PCDHA11: variants seen among roughly 807,000 people sequenced by gnomAD.
PCDHA11 encodes the protein protocadherin alpha-11.
Under a neutral mutation model 70.3 loss-of-function variants are expected in PCDHA11, and 61 were observed. That is an observed-to-expected ratio of 0.87 (90% CI 0.71 to 1.07). The LOEUF (loss-of-function observed/expected upper bound fraction) is 1.07. Among genes scored for constraint, PCDHA11 ranks in the 50% least tolerant of loss-of-function variants. The pLI is 0.00. For missense variants in PCDHA11, 1,324 were observed against 1,237.5 expected, an observed-to-expected ratio of 1.07 and a Z score of -1.05; for synonymous variants, 633 against 555.1, an observed-to-expected ratio of 1.14 and a Z score of -1.97.
chr5:140,927,769 G>A (rs1471080821), intron 1 of PCDHA11: 4 of 1,614,084 alleles, frequency 2.5e-6, no homozygotes, highest in African/African-American at 2.7e-5. Context: ...AAGTGGGGAG[G>A]TGCAAGTAGC....
chr5:140,870,409 G>T lies in PCDHA11; in HGVS notation c.1306G>T (p.Ala436Ser). The change falls in exon 1 of 4, where the codon GCC (alanine) becomes TCC (serine). Residue 436 changes from alanine (A) to serine (S), a missense_variant. Coordinates refer to ENST00000398640, the MANE Select transcript of PCDHA11 (RefSeq NM_018902.5). ...ARDGGSPSLWATARVSVEVAD... is the reference protein window; with the variant it reads ...ARDGGSPSLWSTARVSVEVAD... Reference sequence around the variant, plus strand: ...GGATGGGGGTTCGCCTTCTCTGTGGGCCACGGCCAGGGTATCCGTGGAGGT... The same window carrying T: ...GGATGGGGGTTCGCCTTCTCTGTGGTCCACGGCCAGGGTATCCGTGGAGGT... 1 of 1,614,226 alleles carries T rather than the reference G, an allele frequency of 6.2e-7. No homozygotes were observed. Among genetic ancestry groups the T allele is most frequent in the South Asian group, 1.1e-5 (1 of 91,080 alleles).
At chr5:140,878,571 A>G (rs531090803) in intron 1 of PCDHA11, among the ~76,000 whole-genome samples, 48 of 152,346 alleles carry the variant, frequency 3.2e-4, no homozygotes, top group African/African-American at 1.1e-3. Context: ...ATCATAGTAT[A>G]CCACTGCCCT....
chr5:140,875,033 T>G (rs1377177254), intron 1 of PCDHA11, among the ~76,000 whole-genome samples: 1 of 152,236 alleles, frequency 6.6e-6, no homozygotes, highest in Non-Finnish European at 1.5e-5. Context: ...CTACTGTATT[T>G]GAAAGATTTC....
intron 1 of PCDHA11, among the ~76,000 whole-genome samples, chr5:140,932,330 G>A (rs1339060592): frequency 6.6e-6 from 1 of 151,860 alleles, no homozygotes; most frequent in African/African-American, 2.4e-5. Context: ...TAGCAAAAAT[G>A]CATGAAACAC....
At chr5:140,875,247 A>T in intron 1 of PCDHA11, 1 of 962,254 alleles carries the variant, frequency 1.0e-6, no homozygotes, top group Non-Finnish European at 1.5e-6. Flanking sequence ...TTACATAATC[A>T]GTCACATGAT....
intron 1 of PCDHA11, among the ~76,000 whole-genome samples, chr5:140,956,438 G>A (rs891696288): frequency 1.3e-5 from 2 of 152,154 alleles, no homozygotes; most frequent in Non-Finnish European, 2.9e-5. Context: ...TTCTGCTTAT[G>A]TGATGAATTA....
chr5:140,993,267 T>C (rs1554253547), intron 3 of PCDHA11, among the ~76,000 whole-genome samples: 1 of 152,166 alleles, frequency 6.6e-6, no homozygotes, highest in Non-Finnish European at 1.5e-5. Context: ...ATTAGCTTCT[T>C]TGGTCTTTTC....
At chr5:140,883,308 C>T (rs782669562) in intron 1 of PCDHA11, 2 of 1,614,102 alleles carry the variant, frequency 1.2e-6, no homozygotes, top group South Asian at 1.1e-5. Flanking sequence ...AATGATAACG[C>T]CCCAGAGGTT....
In PCDHA11 at chr5:140,876,240, A is replaced by G. The variant is rs375639572; in HGVS notation, c.2391+4746A>G. 7.0e-5 allele frequency: 113 copies of G among 1,613,906 alleles called. No homozygotes were observed. The highest frequency in any genetic ancestry group is 8.3e-5 in the Admixed American group (5 of 60,008). Reference sequence around the variant, plus strand: ...AAGTAGTGTTGTCTGAAAATGTCCAAAACGACACAAGAGTGATCCAACTAA... The same window carrying G: ...AAGTAGTGTTGTCTGAAAATGTCCAGAACGACACAAGAGTGATCCAACTAA... On this transcript the variant is annotated intron_variant, in intron 1 of 3. Coordinates refer to ENST00000398640, the MANE Select transcript of PCDHA11 (RefSeq NM_018902.5).
At chr5:141,008,712 T>G (rs1554261909) in intron 3 of PCDHA11, among the ~76,000 whole-genome samples, 1 of 152,210 alleles carries the variant, frequency 6.6e-6, no homozygotes, top group Non-Finnish European at 1.5e-5. Flanking sequence ...TCTAGTTGCT[T>G]GAGTGTATGT....
intron 1 of PCDHA11, among the ~76,000 whole-genome samples, chr5:140,961,952 C>T (rs2095645754): frequency 6.6e-6 from 1 of 151,264 alleles, no homozygotes; most frequent in South Asian, 2.1e-4. Flanking sequence ...GGCATGATCT[C>T]GGCTCACTGC....
At chr5:140,952,961 A>G (rs531904047) in intron 1 of PCDHA11, among the ~76,000 whole-genome samples, 1 of 152,158 alleles carries the variant, frequency 6.6e-6, no homozygotes, top group East Asian at 1.9e-4. Context: ...GGGAAGTGAT[A>G]CACACTTTTA....
At chr5:140,949,991 A>T (rs1585353048) in intron 1 of PCDHA11, among the ~76,000 whole-genome samples, 1 of 151,822 alleles carries the variant, frequency 6.6e-6, no homozygotes, top group East Asian at 1.9e-4. Flanking sequence ...AACTTTTCTC[A>T]GTCCACTTAA....
intron 1 of PCDHA11, chr5:140,875,502 A>G (rs201298546): frequency 1.7e-5 from 28 of 1,613,494 alleles, no homozygotes; most frequent in Non-Finnish European, 2.3e-5. Context: ...GAGGCCCGGG[A>G]TCCCAGCGTC....
At chr5:140,960,346 T>A (rs782732587) in intron 1 of PCDHA11, among the ~76,000 whole-genome samples, 21 of 152,174 alleles carry the variant, frequency 1.4e-4, no homozygotes, top group Admixed American at 2.6e-4. Context: ...AGGTGAGATA[T>A]GTACTGAAAT....
At chr5:140,882,611 C>T in intron 1 of PCDHA11, 1 of 1,614,252 alleles carries the variant, frequency 6.2e-7, no homozygotes, top group Non-Finnish European at 8.5e-7. Context: ...CAGGCCTCTG[C>T]AGGTTTTCCA....
intron 1 of PCDHA11, among the ~76,000 whole-genome samples, chr5:140,942,981 G>A (rs1242135518): frequency 6.6e-6 from 1 of 152,048 alleles, no homozygotes; most frequent in Non-Finnish European, 1.5e-5. Context: ...TTGGGGCTGG[G>A]TGTGGTGGCT....
intron 1 of PCDHA11, among the ~76,000 whole-genome samples, chr5:140,878,476 A>T (rs1037108551): frequency 3.2e-4 from 49 of 152,322 alleles, no homozygotes; most frequent in African/African-American, 1.1e-3. Flanking sequence ...TCATTTCTCA[A>T]TTTAAAAATA....
At chr5:140,971,732 T>C (rs1554233582) in intron 1 of PCDHA11, among the ~76,000 whole-genome samples, 2 of 151,638 alleles carry the variant, frequency 1.3e-5, no homozygotes, top group African/African-American at 4.8e-5. Flanking sequence ...ATCATACATA[T>C]ACACATACAT....
Sources: allele counts gnomAD v4.1 joint callset (sites outside exome capture counted in the v4.1 genomes callset), GRCh38; gene constraint gnomAD v4.1.1; transcripts MANE v1.5; gene names NCBI Gene and HGNC (gene_info 2026-07-23, HGNC 2026-07-21).